The following AOPEP variants were observed in gnomAD, a reference collection of about 807,000 sequenced individuals.
AOPEP encodes aminopeptidase O (putative).
Under a neutral mutation model 98.1 loss-of-function variants are expected in AOPEP, and 77 were observed. The observed-to-expected ratio is 0.78, with a 90% CI of 0.65 to 0.95. The LOEUF (loss-of-function observed/expected upper bound fraction) is 0.95, where lower values mean the gene tolerates loss of function less well. AOPEP is among the 40% of genes least tolerant of loss of function. The probability of loss-of-function intolerance (pLI) is 0.00; values close to 1 mark genes in which losing one functional copy is unlikely to be tolerated. For missense variants in AOPEP, 1,024 were observed against 1,024.7 expected, an observed-to-expected ratio of 1.00 and a Z score of 0.01; for synonymous variants, 346 against 365.3, an observed-to-expected ratio of 0.95 and a Z score of 0.60.
chr9:95,126,832 A>G, the AOPEP span: 1 of 477,574 alleles, frequency 2.1e-6, no homozygotes. Flanking sequence ...ATTTTCTATA[A>G]AAGCTCAGGC....
At chr9:94,730,687 A>C (rs911330503) in intron 1 of AOPEP, among the ~76,000 whole-genome samples, 1 of 152,240 alleles carries the variant, frequency 6.6e-6, no homozygotes, top group African/African-American at 2.4e-5. Flanking sequence ...AAAAACAGCA[A>C]AAAGGATGAA....
At chr9:94,945,658 C>G (rs569703581) in intron 7 of AOPEP, among the ~76,000 whole-genome samples, 1 of 152,286 alleles carries the variant, frequency 6.6e-6, no homozygotes, top group East Asian at 1.9e-4. Context: ...CCAGCTCCCA[C>G]GGGCCATCTG....
At chr9:94,818,881 C>G (rs780185628) in intron 5 of AOPEP, among the ~76,000 whole-genome samples, 8 of 152,122 alleles carry the variant, frequency 5.3e-5, no homozygotes, top group Non-Finnish European at 1.0e-4. Context: ...GTAGCCCCAG[C>G]CACTCGGGAC....
chr9:95,123,494 G>A, the AOPEP span: 1 of 467,930 alleles, frequency 2.1e-6, no homozygotes, highest in Non-Finnish European at 4.3e-6. Context: ...ACAAAAATTA[G>A]TGCTTCCTCC....
At chr9:94,807,562 T>C (rs1361617899) in intron 5 of AOPEP, among the ~76,000 whole-genome samples, 1 of 152,208 alleles carries the variant, frequency 6.6e-6, no homozygotes, top group Admixed American at 6.5e-5. Flanking sequence ...TTGCCATTTT[T>C]TCCATTGCAA....
At chr9:94,950,554 C>G (rs1370421618) in intron 7 of AOPEP, among the ~76,000 whole-genome samples, 3 of 152,210 alleles carry the variant, frequency 2.0e-5, no homozygotes, top group Non-Finnish European at 4.4e-5. Context: ...AGTCTCTACA[C>G]AAGGGTCAGA....
At chr9:94,839,022 T>C (rs1310494027) in intron 5 of AOPEP, among the ~76,000 whole-genome samples, 1 of 147,548 alleles carries the variant, frequency 6.8e-6, no homozygotes, top group Non-Finnish European at 1.5e-5. Context: ...GCTGTTTTCC[T>C]GCCTCAGCCT....
At chr9:94,968,118 C>A (rs187436111) in intron 10 of AOPEP, among the ~76,000 whole-genome samples, 1 of 152,272 alleles carries the variant, frequency 6.6e-6, no homozygotes, top group African/African-American at 2.4e-5. Context: ...TTAGAAAACT[C>A]AGGGTAGCTC....
At chr9:94,943,929 A>C (rs1210484663) in intron 7 of AOPEP, among the ~76,000 whole-genome samples, 3 of 139,626 alleles carry the variant, frequency 2.1e-5, no homozygotes, top group Admixed American at 6.8e-5. Flanking sequence ...CAAAAAAAAA[A>C]AAAAAAAAAA....
In AOPEP at chr9:94,967,933, GC is replaced by G. The variant is rs2059307286; in HGVS notation, c.1916+134del. The G allele has an allele frequency of 6.8e-5, 50 of 737,532 alleles. 2 individuals are homozygous for G. The South Asian group carries it at 7.7e-4, about 11-fold the overall frequency. The allele number at this position is 737,532 out of a possible 1,614,324, so 45.7% of individuals were successfully genotyped here. A position where few individuals can be genotyped will look rare whatever the true frequency, so the allele number is the denominator to read the frequency against. On this transcript the variant is annotated intron_variant, in intron 10 of 16. Transcript: ENST00000375315. Reference sequence around the variant, plus strand: ...CTAATAGAGGCAAGGACCTAGTTCTGCCAGTGGGAGTACAGGATCATCAGCC... The same window carrying G: ...CTAATAGAGGCAAGGACCTAGTTCTGCAGTGGGAGTACAGGATCATCAGCC...
chr9:95,149,773 C>T, the AOPEP span: 2 of 935,478 alleles, frequency 2.1e-6, no homozygotes, highest in African/African-American at 3.3e-5. Context: ...GCCACCACAC[C>T]TGGCCGGGAT....
At chr9:94,851,601 T>C (rs1002935975) in intron 5 of AOPEP, among the ~76,000 whole-genome samples, 1 of 151,718 alleles carries the variant, frequency 6.6e-6, no homozygotes, top group Non-Finnish European at 1.5e-5. Context: ...AGAAGATGTT[T>C]AATCTTTCTG....
At chr9:94,782,637 G>C (rs1046025156) in intron 3 of AOPEP, among the ~76,000 whole-genome samples, 2 of 152,212 alleles carry the variant, frequency 1.3e-5, no homozygotes, top group African/African-American at 2.4e-5. Flanking sequence ...AGGCATTTAG[G>C]AATGGTTATG....
At chr9:95,022,914 C>T (rs1398891117) in intron 13 of AOPEP, among the ~76,000 whole-genome samples, 2 of 152,150 alleles carry the variant, frequency 1.3e-5, no homozygotes, top group African/African-American at 4.8e-5. Context: ...TGCTGTGGGT[C>T]ACCTGTGCTA....
chr9:95,107,614 T>C, the AOPEP span: 11 of 414,826 alleles, frequency 2.7e-5, no homozygotes, highest in South Asian at 7.3e-5. Flanking sequence ...AAGACTCGCC[T>C]ATCACAGCCA....
chr9:94,802,832 C>G (rs997935014), intron 5 of AOPEP, among the ~76,000 whole-genome samples: 2 of 152,160 alleles, frequency 1.3e-5, no homozygotes, highest in Non-Finnish European at 2.9e-5. Context: ...TGGATGAGAG[C>G]TGTGGAAGGG....
At chr9:94,744,120 C>T (rs1382575223) in intron 1 of AOPEP, among the ~76,000 whole-genome samples, 1 of 149,984 alleles carries the variant, frequency 6.7e-6, no homozygotes, top group Non-Finnish European at 1.5e-5. Context: ...TGGGGCTGTG[C>T]GCGGTGGCTT....
At chr9:94,907,809 A>G (rs1026456551) in intron 5 of AOPEP, among the ~76,000 whole-genome samples, 5 of 152,128 alleles carry the variant, frequency 3.3e-5, no homozygotes, top group African/African-American at 9.7e-5. Flanking sequence ...AGCGTGGCCT[A>G]CAGGGTGGGC....
At chr9:94,962,889 A>G (rs2404296) in intron 9 of AOPEP, among the ~76,000 whole-genome samples, 30,593 of 151,758 alleles carry the variant, frequency 0.2, 6,698 homozygotes, top group African/African-American at 0.55. Flanking sequence ...GACTACAGGC[A>G]CCCGCCACCA....
Sources: allele counts gnomAD v4.1 joint callset (sites outside exome capture counted in the v4.1 genomes callset), GRCh38; gene constraint gnomAD v4.1.1; transcripts MANE v1.5; gene names NCBI Gene and HGNC (gene_info 2026-07-23, HGNC 2026-07-21).